Variants in WWOX observed in about 807,000 individuals in gnomAD.
The protein encoded by WWOX is WW domain containing oxidoreductase.
Under a neutral mutation model 46.2 loss-of-function variants are expected in WWOX, and 69 were observed. The ratio of observed to expected loss-of-function variants is 1.49; its 90% confidence interval spans 1.23 to 1.82. The LOEUF (loss-of-function observed/expected upper bound fraction) is 1.82. WWOX is among the 40% of genes most tolerant of loss of function. WWOX has a pLI of 0.00. For missense variants in WWOX, 919 were observed against 542.6 expected (o/e 1.69, Z -6.89); for synonymous variants, 359 against 202.6 (o/e 1.77, Z -6.56).
chr16:78,453,252 T>C (rs2083735085), intron 8 of WWOX, among the ~76,000 whole-genome samples: 1 of 152,084 alleles, frequency 6.6e-6, no homozygotes, highest in Middle Eastern at 3.4e-3. Flanking sequence ...GGTGAGACCC[T>C]GTCTGTACTA....
chr16:79,131,036 A>G (rs374671824), intron 8 of WWOX, among the ~76,000 whole-genome samples: 1 of 152,202 alleles, frequency 6.6e-6, no homozygotes, highest in East Asian at 1.9e-4. Flanking sequence ...CACAACCAGA[A>G]CACACAATGA....
chr16:78,419,334 C>T (rs375178763), intron 6 of WWOX, among the ~76,000 whole-genome samples: 4 of 152,002 alleles, frequency 2.6e-5, no homozygotes, highest in Admixed American at 1.3e-4. Context: ...ATAACCAAAA[C>T]AAGCTTGAAA....
chr16:78,422,782 T>G (rs1273219073), intron 6 of WWOX, among the ~76,000 whole-genome samples: 1 of 117,584 alleles, frequency 8.5e-6, no homozygotes, highest in Non-Finnish European at 1.6e-5. Flanking sequence ...CACATATATA[T>G]ATACACACAC....
intron 8 of WWOX, among the ~76,000 whole-genome samples, chr16:78,620,445 C>A (rs1297347945): frequency 6.6e-6 from 1 of 152,136 alleles, no homozygotes; most frequent in Non-Finnish European, 1.5e-5. Context: ...ACATTCAAGG[C>A]CGAAACTTGG....
At chr16:78,562,813 G>A (rs543592721) in intron 8 of WWOX, among the ~76,000 whole-genome samples, 4 of 152,294 alleles carry the variant, frequency 2.6e-5, no homozygotes, top group South Asian at 2.1e-4. Flanking sequence ...TGTCATCACA[G>A]AAAAGCATGA....
intron 8 of WWOX, among the ~76,000 whole-genome samples, chr16:78,629,272 A>G (rs1244045537): frequency 1.3e-5 from 2 of 151,540 alleles, no homozygotes. Context: ...TGGGGTCATA[A>G]GACATTGGTG....
chr16:78,658,033 G>A (rs1405167618), intron 8 of WWOX, among the ~76,000 whole-genome samples: 1 of 151,908 alleles, frequency 6.6e-6, no homozygotes, highest in Non-Finnish European at 1.5e-5. Flanking sequence ...GACATTTTAG[G>A]CCAGGAGATT....
At chr16:78,285,694 G>GA (rs1346399202) in intron 5 of WWOX, among the ~76,000 whole-genome samples, 1 of 152,148 alleles carries the variant, frequency 6.6e-6, no homozygotes, top group African/African-American at 2.4e-5. Flanking sequence ...TTTATGGAGG[G>GA]ATCTTAAAAC....
chr16:78,355,639 G>T (rs988178269), intron 5 of WWOX: 37 of 623,232 alleles, frequency 5.9e-5, no homozygotes, highest in Non-Finnish European at 1.0e-4. Flanking sequence ...ACGACCGAGA[G>T]CTTCGAGGCA....
intron 8 of WWOX, among the ~76,000 whole-genome samples, chr16:79,087,750 G>A: frequency 6.6e-6 from 1 of 152,180 alleles, no homozygotes. Context: ...CTGGAATTTG[G>A]CCATTTCTCT....
At chr16:78,728,148 T>G (rs1245910137) in intron 8 of WWOX, among the ~76,000 whole-genome samples, 2 of 142,230 alleles carry the variant, frequency 1.4e-5, no homozygotes, top group South Asian at 2.5e-4. Context: ...TACTGCAGCC[T>G]TAACCTCCTG....
At chr16:78,615,005 C>A (rs1034192661) in intron 8 of WWOX, among the ~76,000 whole-genome samples, 1 of 152,028 alleles carries the variant, frequency 6.6e-6, no homozygotes, top group African/African-American at 2.4e-5. Context: ...ATATACAGCT[C>A]CCTCCCTAAT....
At chr16:78,563,669 T>G (rs1323633242) in intron 8 of WWOX, among the ~76,000 whole-genome samples, 1 of 152,124 alleles carries the variant, frequency 6.6e-6, no homozygotes, top group East Asian at 1.9e-4. Flanking sequence ...GAGGAATGAT[T>G]AGTGATCTGA....
At chr16:79,035,397 G>T (rs1274939610) in intron 8 of WWOX, among the ~76,000 whole-genome samples, 1 of 151,414 alleles carries the variant, frequency 6.6e-6, no homozygotes, top group Non-Finnish European at 1.5e-5. Context: ...AGTGGCCAAG[G>T]GAGGTGAACT....
chr16:78,542,048 T>TAAAAAAAAAAAA (rs1329800001), intron 8 of WWOX, among the ~76,000 whole-genome samples: 4 of 56,252 alleles, frequency 7.1e-5, no homozygotes, highest in Non-Finnish European at 8.0e-5. Context: ...AAAAAAAAAG[T>TAAAAAAAAAAAA]AAATTGCACA....
chr16:78,966,265 A>T (rs982951621), intron 8 of WWOX, among the ~76,000 whole-genome samples: 1 of 152,240 alleles, frequency 6.6e-6, no homozygotes, highest in Non-Finnish European at 1.5e-5. Flanking sequence ...GAGATAACAG[A>T]CATGCTCAGA....
At chr16:78,385,798 G>T (rs1705170690) in intron 5 of WWOX, among the ~76,000 whole-genome samples, 1 of 152,150 alleles carries the variant, frequency 6.6e-6, no homozygotes, top group South Asian at 2.1e-4. Context: ...TTGTTTTACG[G>T]GACTCTTCTT....
intron 8 of WWOX, chr16:78,825,680 A>T (rs1226835637): frequency 5.6e-6 from 3 of 536,672 alleles, no homozygotes; most frequent in South Asian, 5.0e-5. Flanking sequence ...TAGGCTGCCA[A>T]GCTGTGGTTT....
At chr16:79,034,555 GC>G (rs2047829066) in intron 8 of WWOX, among the ~76,000 whole-genome samples, 1 of 152,112 alleles carries the variant, frequency 6.6e-6, no homozygotes, top group Non-Finnish European at 1.5e-5. Flanking sequence ...CTTCCCCAAT[GC>G]CCTGGGCTTA....
Sources: gnomAD v4.1 joint callset for allele counts (sites outside exome capture counted in the v4.1 genomes callset) on GRCh38, gnomAD v4.1.1 for gene constraint, MANE v1.5 for transcripts, NCBI Gene and HGNC (gene_info 2026-07-23, HGNC 2026-07-21) for gene names.